The following SHISA9 variants were observed in gnomAD, a reference collection of about 807,000 sequenced individuals.
SHISA9 encodes the protein shisa family member 9.
A neutral mutation model predicts 38.0 loss-of-function variants in SHISA9; 13 were observed. The ratio of observed to expected loss-of-function variants is 0.34; its 90% CI spans 0.22 to 0.54. The LOEUF (loss-of-function observed/expected upper bound fraction) is 0.54, where lower values mean the gene tolerates loss of function less well. Ranked by LOEUF, SHISA9 falls within the 20% of genes least tolerant of loss-of-function variation. SHISA9 has a pLI of 0.91. For missense variants in SHISA9, 538 were observed against 575.8 expected, an observed-to-expected ratio of 0.93 and a Z score of 0.67; for synonymous variants, 275 against 242.0, an observed-to-expected ratio of 1.14 and a Z score of -1.27.
At chr16:13,554,011 G>T in the SHISA9 span, among the ~76,000 whole-genome samples, 1 of 152,050 alleles carries the variant, frequency 6.6e-6, no homozygotes, top group Non-Finnish European at 1.5e-5. Flanking sequence ...AATAGCACAA[G>T]ACCACAACTA....
chr16:13,347,801 A>G, the SHISA9 span, among the ~76,000 whole-genome samples: 1 of 150,104 alleles, frequency 6.7e-6, no homozygotes, highest in Non-Finnish European at 1.5e-5. Context: ...AGAGCTCCTC[A>G]ATTTTTTTTC....
At chr16:13,282,636 C>T in the SHISA9 span, among the ~76,000 whole-genome samples, 2 of 152,004 alleles carry the variant, frequency 1.3e-5, no homozygotes, top group Non-Finnish European at 2.9e-5. Context: ...TATGTCAGAT[C>T]ATTTGATATT....
Position 13,089,224 on chromosome 16 carries a change from C to T in SHISA9, c.692-114170C>T, listed in dbSNP as rs375693849. Among the ~76,000 whole-genome samples, 49 of 152,238 alleles carry T rather than the reference C, an allele frequency of 3.2e-4. No homozygotes were observed. The South Asian group carries it at 5.2e-3, about 16-fold the overall frequency. On this transcript the variant is annotated intron_variant, in intron 2 of 4. Transcript: ENST00000558583. Reference sequence around the variant, plus strand: ...TTGCCAGTATTTTATTGAGGATTTACGCATTGATGTTCATCAGGGATATTG... The same window carrying T: ...TTGCCAGTATTTTATTGAGGATTTATGCATTGATGTTCATCAGGGATATTG...
At chr16:13,077,310 G>A (rs780742307) in intron 2 of SHISA9, among the ~76,000 whole-genome samples, 6 of 151,238 alleles carry the variant, frequency 4.0e-5, no homozygotes, top group Non-Finnish European at 8.8e-5. Flanking sequence ...TTATCCATAT[G>A]GTAAAAGATG....
At chr16:13,233,610 T>C (rs906233724) in intron 4 of SHISA9, among the ~76,000 whole-genome samples, 10 of 152,222 alleles carry the variant, frequency 6.6e-5, no homozygotes, top group African/African-American at 1.4e-4. Flanking sequence ...ATGGATAATA[T>C]ATAAATGAAT....
intron 2 of SHISA9, among the ~76,000 whole-genome samples, chr16:13,025,801 C>T (rs1243376711): frequency 6.6e-6 from 1 of 152,074 alleles, no homozygotes; most frequent in African/African-American, 2.4e-5. Flanking sequence ...GATCAACCCT[C>T]TTAACAACAT....
intron 2 of SHISA9, among the ~76,000 whole-genome samples, chr16:12,962,527 A>G (rs571649326): frequency 6.6e-6 from 1 of 152,204 alleles, no homozygotes; most frequent in Non-Finnish European, 1.5e-5. Flanking sequence ...TGGAGCTCCC[A>G]TGAGGGAATT....
At chr16:12,990,576 T>C (rs1390306984) in intron 2 of SHISA9, among the ~76,000 whole-genome samples, 1 of 152,224 alleles carries the variant, frequency 6.6e-6, no homozygotes, top group Non-Finnish European at 1.5e-5. Context: ...GTTTTGCTTT[T>C]GGATCAGCGA....
At chr16:13,143,452 T>C (rs1567226199) in intron 2 of SHISA9, among the ~76,000 whole-genome samples, 1 of 152,138 alleles carries the variant, frequency 6.6e-6, no homozygotes, top group Admixed American at 6.5e-5. Context: ...CAGAAGGTGA[T>C]TTGAATTTCA....
At chr16:13,102,808 C>T (rs1034534439) in intron 2 of SHISA9, among the ~76,000 whole-genome samples, 1 of 152,074 alleles carries the variant, frequency 6.6e-6, no homozygotes, top group Non-Finnish European at 1.5e-5. Flanking sequence ...CCAATGTAGT[C>T]GCTGTTCCGG....
At chr16:13,010,108 G>A (rs932860160) in intron 2 of SHISA9, among the ~76,000 whole-genome samples, 3 of 152,112 alleles carry the variant, frequency 2.0e-5, no homozygotes, top group Admixed American at 6.5e-5. Flanking sequence ...AGCCCAGGAG[G>A]TTGAGACTGC....
intron 1 of SHISA9, among the ~76,000 whole-genome samples, chr16:12,907,721 T>G (rs1308081155): frequency 1.3e-5 from 2 of 152,198 alleles, no homozygotes; most frequent in Non-Finnish European, 1.5e-5. Flanking sequence ...CAGCTGAGAC[T>G]CAGTTGCCAA....
intron 2 of SHISA9, among the ~76,000 whole-genome samples, chr16:13,133,568 A>C (rs2050323264): frequency 6.6e-6 from 1 of 152,122 alleles, no homozygotes; most frequent in South Asian, 2.1e-4. Flanking sequence ...TGAGTGATGC[A>C]AGCCCCATTG....
At chr16:13,000,167 C>A (rs936456499) in intron 2 of SHISA9, among the ~76,000 whole-genome samples, 20 of 151,874 alleles carry the variant, frequency 1.3e-4, no homozygotes, top group Admixed American at 1.3e-3. Context: ...GTCCCTGAAA[C>A]CAAATTCAGG....
chr16:13,221,476 C>T (rs2051225406), intron 4 of SHISA9, among the ~76,000 whole-genome samples: 1 of 148,686 alleles, frequency 6.7e-6, no homozygotes, highest in Non-Finnish European at 1.5e-5. Flanking sequence ...GAACTCTTTC[C>T]CTATCACTTT....
chr16:13,319,867 T>A, the SHISA9 span, among the ~76,000 whole-genome samples: 117 of 152,128 alleles, frequency 7.7e-4, no homozygotes, highest in African/African-American at 2.6e-3. Flanking sequence ...GGATGGTTCT[T>A]ATTTAAACTT....
intron 2 of SHISA9, among the ~76,000 whole-genome samples, chr16:13,021,202 G>A (rs1457848126): frequency 6.6e-6 from 1 of 152,156 alleles, no homozygotes; most frequent in Non-Finnish European, 1.5e-5. Context: ...AGGGTGTTTG[G>A]TGGCATTTGG....
chr16:12,966,456 TG>T (rs2071979380), intron 2 of SHISA9, among the ~76,000 whole-genome samples: 1 of 152,192 alleles, frequency 6.6e-6, no homozygotes, highest in African/African-American at 2.4e-5. Context: ...GGTCTCACCA[TG>T]TTGCCCAGGC....
At chr16:13,558,835 G>A in the SHISA9 span, among the ~76,000 whole-genome samples, 8 of 152,128 alleles carry the variant, frequency 5.3e-5, no homozygotes, top group South Asian at 2.1e-4. Context: ...GTGTTGCCCC[G>A]TTTCCCCTAA....
Sources: allele counts gnomAD v4.1 joint callset (sites outside exome capture counted in the v4.1 genomes callset), GRCh38; gene constraint gnomAD v4.1.1; transcripts MANE v1.5; gene names NCBI Gene and HGNC (gene_info 2026-07-23, HGNC 2026-07-21).